Variants in CDKN2B-AS1 observed in about 807,000 individuals in gnomAD.
The protein encoded by CDKN2B-AS1 is CDKN2B antisense RNA 1 (non-protein coding).
chr9:22,086,564 C>T (rs1262124276), intron 4 of CDKN2B-AS1, among the ~76,000 whole-genome samples: 1 of 152,008 alleles, frequency 6.6e-6, no homozygotes, highest in Non-Finnish European at 1.5e-5. Context: ...CTTTTTTTCC[C>T]ATGACTTCTC....
At chr9:22,084,274 G>A (rs749795606) in intron 4 of CDKN2B-AS1, among the ~76,000 whole-genome samples, 3 of 152,176 alleles carry the variant, frequency 2.0e-5, no homozygotes, top group Non-Finnish European at 4.4e-5. Flanking sequence ...CAAAAGGGCT[G>A]TTCCTAGGTC....
chr9:22,008,758 C>T, intron 1 of CDKN2B-AS1: 1 of 1,610,078 alleles, frequency 6.2e-7, no homozygotes. Flanking sequence ...GCCCCGCGTT[C>T]GCGCGCCCCC....
chr9:22,067,306 C>G lies in CDKN2B-AS1; in HGVS notation n.438+10919C>G, dbSNP rs1020157272. Among the ~76,000 whole-genome samples the G allele has an allele frequency of 5.3e-5, 8 of 152,236 alleles. No individual in the cohort carries two copies. The East Asian group carries it at 1.5e-3, about 29-fold the overall frequency. ...AAAAGAGCAGATCAGAATGTTGTATCTTTTATTCAGAAGACTGGAGTTAAT... is the reference window on the plus strand; with the variant it reads ...AAAAGAGCAGATCAGAATGTTGTATGTTTTATTCAGAAGACTGGAGTTAAT... On this transcript the variant is annotated intron_variant and non_coding_transcript_variant, in intron 4 of 4. Coordinates refer to ENST00000650946, the Ensembl canonical transcript of CDKN2B-AS1.
intron 4 of CDKN2B-AS1, among the ~76,000 whole-genome samples, chr9:22,124,451 A>G (rs10757277): frequency 0.41 from 61,500 of 151,802 alleles, 13,710 homozygotes; most frequent in Middle Eastern, 0.55. Flanking sequence ...GGGCTGTGGG[A>G]CAAGTCAGGG....
chr9:22,051,182 C>G (rs1038505970), intron 3 of CDKN2B-AS1, among the ~76,000 whole-genome samples: 11 of 152,032 alleles, frequency 7.2e-5, no homozygotes, highest in Non-Finnish European at 1.5e-4. Context: ...CTTTAAGGGG[C>G]CCCCTGAGCT....
chr9:22,050,003 C>G lies in CDKN2B-AS1; in HGVS notation n.302+775C>G, dbSNP rs770017608. Among the ~76,000 whole-genome samples the G allele has an allele frequency of 3.3e-5, 5 of 151,972 alleles. No individual in the cohort carries two copies. In the East Asian group the frequency reaches 9.6e-4, roughly 29 times the overall value. ...AACAATTTAGACATTGCCTTTTTGT[C>G]CTCAAACCAAGGGGTGAATTTTTAT... On this transcript the variant is annotated intron_variant and non_coding_transcript_variant, in intron 3 of 4. Transcript: ENST00000650946.
At chr9:22,095,841 A>T (rs1003017144) in intron 4 of CDKN2B-AS1, among the ~76,000 whole-genome samples, 2 of 150,386 alleles carry the variant, frequency 1.3e-5, no homozygotes, top group African/African-American at 2.5e-5. Flanking sequence ...CCATTATGTA[A>T]TGGCCTTCTT....
rs149963455 is a variant in CDKN2B-AS1, at chr9:22,068,595, C to T, written n.438+12208C>T. ...TAAGGGTGTTACTCGTAGGAGGCCT[C>T]TATTGAACTCTTTTCCAGTGACGTA... On this transcript the variant is annotated intron_variant and non_coding_transcript_variant, in intron 4 of 4. Coordinates refer to ENST00000650946, the Ensembl canonical transcript of CDKN2B-AS1. Among the ~76,000 whole-genome samples, 4 of 152,230 alleles carry T rather than the reference C, an allele frequency of 2.6e-5. No individual in the cohort carries two copies. The East Asian group carries it at 7.7e-4, about 29-fold the overall frequency.
chr9:22,019,243 C>T (rs1821918370), intron 1 of CDKN2B-AS1, among the ~76,000 whole-genome samples: 1 of 152,196 alleles, frequency 6.6e-6, no homozygotes, highest in Admixed American at 6.5e-5. Context: ...TATAAAGACA[C>T]ATGATGTGAT....
chr9:22,040,014 C>G (rs774044461), intron 1 of CDKN2B-AS1, among the ~76,000 whole-genome samples: 2 of 152,000 alleles, frequency 1.3e-5, no homozygotes, highest in South Asian at 2.1e-4. Flanking sequence ...CTAAAAGTCA[C>G]AAAATTAACA....
intron 4 of CDKN2B-AS1, among the ~76,000 whole-genome samples, chr9:22,067,671 A>G (rs541533733): frequency 1.3e-5 from 2 of 152,336 alleles, no homozygotes; most frequent in South Asian, 4.1e-4. Flanking sequence ...GTTAGCACAG[A>G]GCTGGCCACA....
At chr9:22,111,586 A>ATTTGC (rs1554680549) in intron 4 of CDKN2B-AS1, among the ~76,000 whole-genome samples, 1 of 23,660 alleles carries the variant, frequency 4.2e-5, no homozygotes, top group Non-Finnish European at 6.5e-5. Context: ...ATCCATATAT[A>ATTTGC]TGTGACATTT....
intron 4 of CDKN2B-AS1, among the ~76,000 whole-genome samples, chr9:22,125,158 T>G (rs1681898874): frequency 6.6e-6 from 1 of 152,236 alleles, no homozygotes; most frequent in South Asian, 2.1e-4. Flanking sequence ...GTTAGATGAC[T>G]TGGCTATAAA....
chr9:22,072,871 T>G (rs576384949), intron 4 of CDKN2B-AS1, among the ~76,000 whole-genome samples: 2 of 152,342 alleles, frequency 1.3e-5, no homozygotes, highest in East Asian at 3.9e-4. Flanking sequence ...CTCTCCAGAC[T>G]TCTATTTCTT....
intron 4 of CDKN2B-AS1, among the ~76,000 whole-genome samples, chr9:22,076,004 A>G (rs1824477010): frequency 6.6e-6 from 1 of 152,148 alleles, no homozygotes; most frequent in Non-Finnish European, 1.5e-5. Context: ...AAAGTCAGGT[A>G]TGATTGATAG....
rs540553589 is a variant in CDKN2B-AS1 at position 22,029,222 on chromosome 9, C to G, written n.30-17529C>G. The stretch of plus-strand genomic sequence containing the variant: ...GACAGTGGTTGAGAAACAGAATAGT[C>G]TCAGGATATCACTCCGTAGATTTAT... On this transcript the variant is annotated intron_variant and non_coding_transcript_variant, in intron 1 of 4. Coordinates refer to ENST00000650946, the Ensembl canonical transcript of CDKN2B-AS1. 2.0e-5 allele frequency among the ~76,000 whole-genome samples: 3 copies of G among 152,256 alleles called. No homozygotes were observed. The South Asian group carries it at 6.2e-4, about 32-fold the overall frequency.
chr9:22,027,949 A>G (rs1163626621), intron 1 of CDKN2B-AS1, among the ~76,000 whole-genome samples: 2 of 152,198 alleles, frequency 1.3e-5, no homozygotes, highest in Non-Finnish European at 2.9e-5. Context: ...TCCATGTTTT[A>G]TACTATATCA....
At chr9:22,119,242 G>A (rs889935586) in intron 4 of CDKN2B-AS1, 1 of 152,014 alleles carries the variant, frequency 6.6e-6, no homozygotes, top group South Asian at 2.1e-4. Flanking sequence ...AGATAACACA[G>A]ATATATCTTA....
At chr9:22,126,253 A>G (rs964250425) in intron 4 of CDKN2B-AS1, among the ~76,000 whole-genome samples, 1 of 152,190 alleles carries the variant, frequency 6.6e-6, no homozygotes, top group Non-Finnish European at 1.5e-5. Context: ...TCATACATCC[A>G]TGTCCATATT....
Sources: gnomAD v4.1 joint callset for allele counts (sites outside exome capture counted in the v4.1 genomes callset) on GRCh38, gnomAD v4.1.1 for gene constraint, MANE v1.5 for transcripts, NCBI Gene and HGNC (gene_info 2026-07-23, HGNC 2026-07-21) for gene names.